Variants in GRM8 observed in about 807,000 individuals in gnomAD.
GRM8 encodes glutamate metabotropic receptor 8, also known as metabotropic glutamate receptor 8.
GRM8 carries 47 observed loss-of-function variants against 87.2 expected under a neutral mutation model. The observed-to-expected ratio is 0.54, with a 90% confidence interval of 0.43 to 0.69. The LOEUF is 0.69. Among genes scored for constraint, GRM8 ranks in the 30% least tolerant of loss-of-function variants. The pLI, the probability that GRM8 is intolerant of heterozygous loss-of-function variation, is 0.00. For missense variants in GRM8, 1,019 were observed against 1,139.2 expected (o/e 0.89, Z 1.52); for synonymous variants, 396 against 404.5 (o/e 0.98, Z 0.25).
chr7:126,785,092 A>C (rs934841244), intron 6 of GRM8, among the ~76,000 whole-genome samples: 1 of 152,140 alleles, frequency 6.6e-6, no homozygotes, highest in East Asian at 1.9e-4. Context: ...GCATGATCAT[A>C]GCACACCACA....
intron 2 of GRM8, among the ~76,000 whole-genome samples, chr7:127,115,222 C>A (rs186031502): frequency 6.6e-6 from 1 of 152,284 alleles, no homozygotes; most frequent in Admixed American, 6.5e-5. Flanking sequence ...TCCACGGCAG[C>A]CAGCAGACAG....
intron 8 of GRM8, among the ~76,000 whole-genome samples, chr7:126,577,851 T>C (rs529130579): frequency 6.6e-6 from 1 of 152,252 alleles, no homozygotes; most frequent in South Asian, 2.1e-4. Context: ...TTAATGTGTA[T>C]CTTTCTCATT....
chr7:126,633,909 ACT>A (rs1268712034), intron 7 of GRM8, among the ~76,000 whole-genome samples: 2 of 151,840 alleles, frequency 1.3e-5, no homozygotes, highest in South Asian at 2.1e-4. Context: ...AAGAGAGAAC[ACT>A]CTATTTCTCA....
At chr7:126,597,474 T>C (rs949302382) in intron 8 of GRM8, among the ~76,000 whole-genome samples, 6 of 152,116 alleles carry the variant, frequency 3.9e-5, no homozygotes, top group Admixed American at 6.6e-5. Context: ...ATAAAATGAC[T>C]TTTTACCAGT....
At chr7:126,978,104 T>C (rs1181391144) in intron 3 of GRM8, among the ~76,000 whole-genome samples, 3 of 151,912 alleles carry the variant, frequency 2.0e-5, no homozygotes, top group Admixed American at 2.0e-4. Flanking sequence ...AAGGTTAATG[T>C]GAATCAACAG....
chr7:126,896,863 G>A (rs962584789), intron 6 of GRM8, among the ~76,000 whole-genome samples: 1 of 152,140 alleles, frequency 6.6e-6, no homozygotes, highest in Non-Finnish European at 1.5e-5. Flanking sequence ...TCCTGGCTGA[G>A]AATTAAAACC....
chr7:126,487,297 CG>C (rs1366616430), intron 9 of GRM8, among the ~76,000 whole-genome samples: 66 of 151,696 alleles, frequency 4.4e-4, no homozygotes, highest in Non-Finnish European at 4.4e-5. Context: ...AAAATTGAGA[CG>C]TATTTTAATT....
chr7:126,985,890 C>T (rs1419240962), intron 3 of GRM8, among the ~76,000 whole-genome samples: 1 of 152,184 alleles, frequency 6.6e-6, no homozygotes, highest in Non-Finnish European at 1.5e-5. Flanking sequence ...TTGGAGGGGA[C>T]ATTTAAATCA....
intron 2 of GRM8, among the ~76,000 whole-genome samples, chr7:127,203,299 G>A (rs1027626599): frequency 1.3e-5 from 2 of 152,162 alleles, no homozygotes; most frequent in Admixed American, 6.5e-5. Flanking sequence ...GCATAGGGCT[G>A]AAAAACTACC....
chr7:126,701,245 T>A (rs957442845), intron 7 of GRM8, among the ~76,000 whole-genome samples: 1 of 152,124 alleles, frequency 6.6e-6, no homozygotes, highest in African/African-American at 2.4e-5. Context: ...GGCTGCCTTG[T>A]ATTGCAAACA....
intron 6 of GRM8, among the ~76,000 whole-genome samples, chr7:126,777,463 G>A (rs1819604988): frequency 6.6e-6 from 1 of 152,092 alleles, no homozygotes; most frequent in Non-Finnish European, 1.5e-5. Flanking sequence ...TCTCCTCTGT[G>A]AAATTTCCTT....
chr7:126,528,203 A>C (rs530642596), intron 9 of GRM8, among the ~76,000 whole-genome samples: 1 of 152,100 alleles, frequency 6.6e-6, no homozygotes, highest in African/African-American at 2.4e-5. Context: ...GCAAGACTCC[A>C]TCTCAAAAAA....
chr7:127,147,474 A>G (rs1298071226), intron 2 of GRM8, among the ~76,000 whole-genome samples: 1 of 151,886 alleles, frequency 6.6e-6, no homozygotes, highest in Non-Finnish European at 1.5e-5. Context: ...AACTACTAAT[A>G]AGCTGCAGTT....
At chr7:126,747,352 G>T (rs1206855866) in intron 7 of GRM8, among the ~76,000 whole-genome samples, 1 of 151,862 alleles carries the variant, frequency 6.6e-6, no homozygotes, top group East Asian at 1.9e-4. Flanking sequence ...CTAGCCACTT[G>T]CCCTATTATG....
intron 8 of GRM8, among the ~76,000 whole-genome samples, chr7:126,605,731 C>T (rs76028906): frequency 6.6e-6 from 1 of 152,148 alleles, no homozygotes; most frequent in African/African-American, 2.4e-5. Context: ...TTTAATAGAA[C>T]AAGAAGAGAT....
At chr7:127,013,861 T>C (rs13228064) in intron 3 of GRM8, among the ~76,000 whole-genome samples, 2 of 152,108 alleles carry the variant, frequency 1.3e-5, no homozygotes, top group Non-Finnish European at 2.9e-5. Context: ...CAACATGCAA[T>C]ACAGAAGCAA....
At chr7:127,080,057 T>C (rs1404733298) in intron 3 of GRM8, among the ~76,000 whole-genome samples, 3 of 152,104 alleles carry the variant, frequency 2.0e-5, no homozygotes, top group East Asian at 3.9e-4. Context: ...AGGTTGCAAA[T>C]GGAACTAAGG....
At chr7:127,196,545 A>AC (rs397976062) in intron 2 of GRM8, among the ~76,000 whole-genome samples, 1 of 151,526 alleles carries the variant, frequency 6.6e-6, no homozygotes, top group Non-Finnish European at 1.5e-5. Flanking sequence ...AAAAAAAAAA[A>AC]CAAGCAAAAA....
At chr7:126,794,818 AT>A (rs1462427783) in intron 6 of GRM8, among the ~76,000 whole-genome samples, 1 of 152,136 alleles carries the variant, frequency 6.6e-6, no homozygotes, top group African/African-American at 2.4e-5. Context: ...TGGAAATTGC[AT>A]TTTCACAAAG....
Sources: allele counts gnomAD v4.1 joint callset (sites outside exome capture counted in the v4.1 genomes callset), GRCh38; gene constraint gnomAD v4.1.1; transcripts MANE v1.5; gene names NCBI Gene and HGNC (gene_info 2026-07-23, HGNC 2026-07-21).